The following PVT1 variants were observed in gnomAD, a reference collection of about 807,000 sequenced individuals.
The protein encoded by PVT1 is CXCR4/PVT1 fusion.
chr8:127,865,767 C>T (rs1365096175), intron 2 of PVT1, among the ~76,000 whole-genome samples: 2 of 152,130 alleles, frequency 1.3e-5, no homozygotes, highest in African/African-American at 2.4e-5. Flanking sequence ...TAGTTTGTTC[C>T]GGCAGCCCTA....
intron 3 of PVT1, among the ~76,000 whole-genome samples, chr8:127,983,410 G>A (rs947383266): frequency 7.3e-4 from 111 of 152,270 alleles, no homozygotes; most frequent in African/African-American, 2.6e-3. Context: ...TTTCTTGCTT[G>A]CATGGATGGT....
At chr8:127,874,311 AGAG>A (rs772184931) in intron 2 of PVT1, among the ~76,000 whole-genome samples, 1 of 152,190 alleles carries the variant, frequency 6.6e-6, no homozygotes, top group Non-Finnish European at 1.5e-5. Flanking sequence ...AAGGCTGCAC[AGAG>A]GAGGAGAAGG....
chr8:127,877,781 C>T (rs1031691614), intron 2 of PVT1, among the ~76,000 whole-genome samples: 2 of 151,990 alleles, frequency 1.3e-5, no homozygotes, highest in African/African-American at 4.8e-5. Context: ...CAAAAATTAG[C>T]AGGGCATGGT....
chr8:128,084,646 T>C (rs1814234181), intron 5 of PVT1, among the ~76,000 whole-genome samples: 1 of 152,234 alleles, frequency 6.6e-6, no homozygotes, highest in South Asian at 2.1e-4. Context: ...TTTGTTAAAC[T>C]ACAAAGAGCC....
chr8:127,847,616 T>C (rs1815051011), intron 2 of PVT1, among the ~76,000 whole-genome samples: 1 of 152,194 alleles, frequency 6.6e-6, no homozygotes. Flanking sequence ...TGATGACACA[T>C]TGTGCTAGGC....
intron 5 of PVT1, among the ~76,000 whole-genome samples, chr8:128,086,103 G>T (rs1028532835): frequency 1.3e-5 from 2 of 152,218 alleles, no homozygotes; most frequent in Non-Finnish European, 2.9e-5. Context: ...CCTAAATCTG[G>T]CTGTGAGTCG....
At chr8:128,039,567 G>A (rs1292131549) in intron 4 of PVT1, among the ~76,000 whole-genome samples, 1 of 152,214 alleles carries the variant, frequency 6.6e-6, no homozygotes, top group African/African-American at 2.4e-5. Flanking sequence ...TACCTCAGGG[G>A]AGATGGTGGC....
At chr8:128,051,054 A>T (rs1813688033) in intron 4 of PVT1, among the ~76,000 whole-genome samples, 1 of 152,196 alleles carries the variant, frequency 6.6e-6, no homozygotes, top group African/African-American at 2.4e-5. Context: ...GAGCACTGGA[A>T]CCATTTATGG....
At chr8:127,933,865 G>T (rs951839226) in intron 3 of PVT1, among the ~76,000 whole-genome samples, 42 of 152,296 alleles carry the variant, frequency 2.8e-4, no homozygotes, top group African/African-American at 9.9e-4. Context: ...CTACATCCTG[G>T]GTTCTTCATC....
chr8:127,837,978 A>C (rs986928527), intron 2 of PVT1, among the ~76,000 whole-genome samples: 2 of 150,158 alleles, frequency 1.3e-5, no homozygotes, highest in African/African-American at 4.9e-5. Context: ...GCTCACTGCA[A>C]CCTCCACCTC....
At chr8:127,887,913 A>T (rs1203575340) in intron 2 of PVT1, among the ~76,000 whole-genome samples, 3 of 148,144 alleles carry the variant, frequency 2.0e-5, no homozygotes, top group African/African-American at 7.5e-5. Context: ...ACTTGGATGC[A>T]GAATCTCACT....
chr8:127,988,898 T>C (rs1816999803), intron 3 of PVT1, among the ~76,000 whole-genome samples: 1 of 152,208 alleles, frequency 6.6e-6, no homozygotes, highest in Non-Finnish European at 1.5e-5. Flanking sequence ...AACCATCACT[T>C]CTGCCCTGAC....
At chr8:127,800,031 C>T (rs1314331181) in intron 2 of PVT1, among the ~76,000 whole-genome samples, 1 of 152,206 alleles carries the variant, frequency 6.6e-6, no homozygotes, top group Non-Finnish European at 1.5e-5. Flanking sequence ...TTGCAAGTTA[C>T]TTCAGGTCAC....
At chr8:127,991,028 G>T (rs537655634) in intron 4 of PVT1, among the ~76,000 whole-genome samples, 1 of 152,020 alleles carries the variant, frequency 6.6e-6, no homozygotes, top group African/African-American at 2.4e-5. Flanking sequence ...TTCATATTAC[G>T]CATTCATTTT....
At chr8:128,074,847 T>A (rs1253927349) in intron 5 of PVT1, among the ~76,000 whole-genome samples, 8 of 152,192 alleles carry the variant, frequency 5.3e-5, no homozygotes. Context: ...ACTGCAGGCT[T>A]CCCATGAGTT....
intron 3 of PVT1, among the ~76,000 whole-genome samples, chr8:127,959,099 G>C (rs1816605974): frequency 6.6e-6 from 1 of 152,174 alleles, no homozygotes. Context: ...TGGCTCTAAG[G>C]GAGAAAGAGC....
At chr8:127,915,483 G>A (rs1185155520) in intron 3 of PVT1, among the ~76,000 whole-genome samples, 1 of 151,780 alleles carries the variant, frequency 6.6e-6, no homozygotes, top group Non-Finnish European at 1.5e-5. Flanking sequence ...GTGGTGGCAC[G>A]TGCCTGTAAT....
At chr8:127,968,913 A>G (rs1816733229) in intron 3 of PVT1, among the ~76,000 whole-genome samples, 1 of 152,228 alleles carries the variant, frequency 6.6e-6, no homozygotes. Flanking sequence ...ACCAGAAGCC[A>G]GGAGAGGCAA....
chr8:128,041,227 ATG>A (rs553257501), intron 4 of PVT1, among the ~76,000 whole-genome samples: 12 of 67,272 alleles, frequency 1.8e-4, no homozygotes, highest in East Asian at 1.9e-3. Context: ...GTGTGTGTGC[ATG>A]TGTGTGTGTT....
Sources: allele counts gnomAD v4.1 joint callset (sites outside exome capture counted in the v4.1 genomes callset), GRCh38; gene constraint gnomAD v4.1.1; transcripts MANE v1.5; gene names NCBI Gene and HGNC (gene_info 2026-07-23, HGNC 2026-07-21).